Variants in CDK5RAP1 observed in about 807,000 individuals in gnomAD.
CDK5RAP1 encodes the protein CDK5RAP1 mitochondrial tRNA methylthiotransferase, also known as mitochondrial tRNA methylthiotransferase CDK5RAP1.
A neutral mutation model predicts 64.5 loss-of-function variants in CDK5RAP1; 62 were observed. The observed-to-expected ratio is 0.96, with a 90% CI of 0.78 to 1.19. The LOEUF (loss-of-function observed/expected upper bound fraction) is 1.19, where lower values mean the gene tolerates loss of function less well. Among genes scored for constraint, CDK5RAP1 ranks in the 50% most tolerant of loss-of-function variants. The pLI, the probability that CDK5RAP1 is intolerant of heterozygous loss-of-function variation, is 0.00. For missense variants in CDK5RAP1, 657 were observed against 735.0 expected, an observed-to-expected ratio of 0.89 and a Z score of 1.23; for synonymous variants, 250 against 261.9, an observed-to-expected ratio of 0.95 and a Z score of 0.44.
At chr20:33,389,298 C>G (rs916960533) in intron 5 of CDK5RAP1, among the ~76,000 whole-genome samples, 11 of 149,958 alleles carry the variant, frequency 7.3e-5, no homozygotes, top group African/African-American at 2.7e-4. Context: ...AGGTGAGGAG[C>G]GTCTCTGCCC....
intron 12 of CDK5RAP1, among the ~76,000 whole-genome samples, chr20:33,366,256 T>A (rs915913273): frequency 1.4e-5 from 2 of 147,516 alleles, no homozygotes; most frequent in Non-Finnish European, 3.0e-5. Flanking sequence ...GAGACAGAGG[T>A]TGCAGTAAGC....
intron 4 of CDK5RAP1, 58 bp from the exon 5 acceptor site, chr20:33,392,300 A>G: frequency 9.8e-7 from 1 of 1,018,584 alleles, no homozygotes; most frequent in Non-Finnish European, 1.5e-6. Context: ...GGTATCTAAG[A>G]GAGTAGGTCA....
In CDK5RAP1 at chr20:33,360,579, C is replaced by T. The variant is rs1982739844; in HGVS notation, c.1543-88G>A. The T allele has an allele frequency of 2.5e-6, 3 of 1,213,504 alleles. No individual in the cohort carries two copies. The Admixed American group carries it at 6.8e-5, about 27-fold the overall frequency. The allele number at this position is 1,213,504 out of a possible 1,614,324, so 75.2% of individuals were successfully genotyped here. On this transcript the variant is annotated intron_variant, in intron 12 of 13. Coordinates refer to ENST00000346416, the MANE Select transcript of CDK5RAP1 (RefSeq NM_016408.4). ...AACTGTGCCTTCTCTGTCTCGGATC[C>T]CCAAGAGTCTGACCCACAGAGCATT...
rs562486375 is a variant in CDK5RAP1 at position 33,360,517 on chromosome 20, G to A, written c.1543-26C>T. ...CTGCAGAAAGAAGAGAGAAGAGTTC[G>A]TGGATTTGTCACAGTTGTAAGTTCT... is the stretch of plus-strand genomic sequence containing the variant. On this transcript the variant is annotated intron_variant, in intron 12 of 13. Coordinates refer to ENST00000346416, the MANE Select transcript of CDK5RAP1 (RefSeq NM_016408.4). The A allele has an allele frequency of 5.3e-5, 84 of 1,593,924 alleles. No homozygotes were observed. The East Asian group carries it at 1.2e-3, about 22-fold the overall frequency.
intron 2 of CDK5RAP1, among the ~76,000 whole-genome samples, 159 bp downstream of exon 2, chr20:33,396,602 G>GT (rs1988916008): frequency 6.6e-6 from 1 of 152,100 alleles, no homozygotes; most frequent in South Asian, 2.1e-4. Flanking sequence ...GACCAGTCGA[G>GT]TTTCTTGATA....
At chr20:33,377,681 T>G (rs1311649721) in intron 8 of CDK5RAP1, among the ~76,000 whole-genome samples, 1 of 152,194 alleles carries the variant, frequency 6.6e-6, no homozygotes, top group Non-Finnish European at 1.5e-5. Flanking sequence ...AGATGGAGTC[T>G]CACTCTATTG....
chr20:33,368,858 C>T (rs932147472), intron 11 of CDK5RAP1, among the ~76,000 whole-genome samples: 11 of 149,836 alleles, frequency 7.3e-5, no homozygotes, highest in African/African-American at 2.7e-4. Flanking sequence ...GCAACAAGAG[C>T]GAGACTCCGT....
At position 33,358,929 on chromosome 20, in the gene CDK5RAP1, T is replaced by TCGC; in HGVS notation, c.*111_*113dup. The TCGC allele has an allele frequency of 1.4e-6, 1 of 735,250 alleles. No individual in the cohort carries two copies. The highest frequency in any genetic ancestry group is 2.5e-5 in the East Asian group (1 of 40,474). The allele number at this position is 735,250 out of a possible 1,614,324, so 45.5% of individuals were successfully genotyped here. A position where few individuals can be genotyped will look rare whatever the true frequency, so the allele number is the denominator to read the frequency against. ...CGTTTTCCACTGACATAAAGTTGCT[T>TCGC]CGCCCCTTGCAGCTTATCTCCACCT... On this transcript the variant is annotated 3_prime_UTR_variant, in exon 14 of 14. Transcript: ENST00000346416.
At chr20:33,389,877 T>G (rs568856086) in intron 5 of CDK5RAP1, among the ~76,000 whole-genome samples, 1 of 151,810 alleles carries the variant, frequency 6.6e-6, no homozygotes, top group African/African-American at 2.4e-5. Context: ...TTCTTCTGCC[T>G]TGGGAAAAAA....
intron 5 of CDK5RAP1, among the ~76,000 whole-genome samples, chr20:33,389,966 T>C (rs1988117961): frequency 6.6e-6 from 1 of 151,584 alleles, no homozygotes; most frequent in Non-Finnish European, 1.5e-5. Context: ...AACGGAGTAT[T>C]ACTCAGCCTT....
At chr20:33,370,416 T>C (rs1294496299) in intron 11 of CDK5RAP1, 83 bp downstream of exon 11, 12 of 1,460,318 alleles carry the variant, frequency 8.2e-6, no homozygotes, top group Non-Finnish European at 1.1e-5. Flanking sequence ...TTGCCGCCAC[T>C]CTCTTTTCTG....
intron 1 of CDK5RAP1, among the ~76,000 whole-genome samples, chr20:33,398,818 C>T (rs1423506585): frequency 6.6e-6 from 1 of 152,044 alleles, no homozygotes; most frequent in East Asian, 1.9e-4. Context: ...CCCAGCTACT[C>T]AGGAGGTTGA....
intron 12 of CDK5RAP1, among the ~76,000 whole-genome samples, chr20:33,365,533 A>G (rs1174932332): frequency 6.8e-6 from 1 of 147,678 alleles, no homozygotes; most frequent in East Asian, 2.1e-4. Context: ...CGGCCCCCCA[A>G]AGTGCTGGGA....
intron 1 of CDK5RAP1, among the ~76,000 whole-genome samples, 197 bp downstream of exon 1, chr20:33,401,231 C>T (rs993307259): frequency 2.0e-5 from 3 of 152,214 alleles, no homozygotes; most frequent in Non-Finnish European, 2.9e-5. Context: ...GTGGAGGTGA[C>T]CTGTCCAAGG....
Position 33,385,787 on chromosome 20 carries a change from C to G in CDK5RAP1, c.756-17G>C. 6.2e-7 allele frequency: 1 copy of G among 1,607,134 alleles called. No individual in the cohort carries two copies. The highest frequency in any genetic ancestry group is 1.1e-5 in the South Asian group (1 of 89,846). Reference sequence around the variant, plus strand: ...ATGATTGACCTGGAGAAGAAAGTACCAGAACTTAGTAACAGTAGCAGGGTG... The same window carrying G: ...ATGATTGACCTGGAGAAGAAAGTACGAGAACTTAGTAACAGTAGCAGGGTG... On this transcript the variant is annotated splice_polypyrimidine_tract_variant and intron_variant, in intron 6 of 13. Coordinates refer to ENST00000346416, the MANE Select transcript of CDK5RAP1 (RefSeq NM_016408.4).
At position 33,388,824 on chromosome 20, in the gene CDK5RAP1, G is replaced by A. The variant is rs1029528750; in HGVS notation, c.545-1291C>T. The stretch of plus-strand genomic sequence containing the variant: ...ATTTTTTTGGTGGAGACTGGGTTTC[G>A]CTGTGTTGGCCGGGCTGGTCTCCAG... On this transcript the variant is annotated intron_variant, in intron 5 of 13. Coordinates refer to ENST00000346416, the MANE Select transcript of CDK5RAP1 (RefSeq NM_016408.4). 5.3e-5 allele frequency among the ~76,000 whole-genome samples: 8 copies of A among 152,088 alleles called. No individual in the cohort carries two copies. The East Asian group carries it at 9.7e-4, about 18-fold the overall frequency.
chr20:33,385,063 G>C (rs562700183), intron 7 of CDK5RAP1, among the ~76,000 whole-genome samples: 1 of 152,086 alleles, frequency 6.6e-6, no homozygotes, highest in Non-Finnish European at 1.5e-5. Flanking sequence ...ATTCAGGCCC[G>C]GGGCTAAGGA....
At position 33,386,020 on chromosome 20, in the gene CDK5RAP1, T is replaced by C. The variant is rs183643990; in HGVS notation, c.756-250A>G. ...TGACTAGCCTGAGGAAGCACAGCGG[T>C]GAGGAGCTAGAATATACACTTACCA... On this transcript the variant is annotated intron_variant, in intron 6 of 13. Coordinates refer to ENST00000346416, the MANE Select transcript of CDK5RAP1 (RefSeq NM_016408.4). Among the ~76,000 whole-genome samples, 4 of 152,266 alleles carry C rather than the reference T, an allele frequency of 2.6e-5. 1 individual carries two copies. The highest frequency in any genetic ancestry group is 2.6e-4 in the Admixed American group (4 of 15,290).
At chr20:33,377,810 C>T (rs1986212953) in intron 8 of CDK5RAP1, among the ~76,000 whole-genome samples, 1 of 152,192 alleles carries the variant, frequency 6.6e-6, no homozygotes, top group Admixed American at 6.6e-5. Context: ...CACAACCAAA[C>T]CCAGCTAATT....
Sources: allele counts gnomAD v4.1 joint callset (sites outside exome capture counted in the v4.1 genomes callset), GRCh38; gene constraint gnomAD v4.1.1; transcripts MANE v1.5; gene names NCBI Gene and HGNC (gene_info 2026-07-23, HGNC 2026-07-21).